CDH12: variants seen among roughly 807,000 people sequenced by gnomAD.
CDH12 encodes cadherin-12.
CDH12 carries 41 observed loss-of-function variants against 74.1 expected under a neutral mutation model. The ratio of observed to expected loss-of-function variants is 0.55; its 90% CI spans 0.43 to 0.72. The LOEUF is 0.72. Ranked by LOEUF, CDH12 falls within the 30% of genes least tolerant of loss-of-function variation. The pLI, the probability that CDH12 is intolerant of heterozygous loss-of-function variation, is 0.00. For synonymous variants in CDH12, 399 were observed against 355.0 expected, an observed-to-expected ratio of 1.12 and a Z score of -1.39; for missense variants, 945 against 977.2, an observed-to-expected ratio of 0.97 and a Z score of 0.44.
chr5:22,402,002 T>G (rs1044427550), intron 3 of CDH12, among the ~76,000 whole-genome samples: 6 of 152,226 alleles, frequency 3.9e-5, no homozygotes, highest in Non-Finnish European at 8.8e-5. Flanking sequence ...ACACTTCATT[T>G]TGGCCTTCTG....
intron 3 of CDH12, among the ~76,000 whole-genome samples, chr5:22,236,427 T>G (rs1396508740): frequency 6.6e-6 from 1 of 152,168 alleles, no homozygotes; most frequent in South Asian, 2.1e-4. Context: ...CTTTTGAAAC[T>G]TTTTATTAAG....
intron 4 of CDH12, among the ~76,000 whole-genome samples, chr5:22,107,941 A>T (rs1334580194): frequency 1.3e-5 from 2 of 152,238 alleles, no homozygotes; most frequent in Non-Finnish European, 2.9e-5. Flanking sequence ...TAATGAACTA[A>T]ATTTACATGC....
At chr5:21,920,828 G>C (rs1351733098) in intron 6 of CDH12, among the ~76,000 whole-genome samples, 4 of 151,968 alleles carry the variant, frequency 2.6e-5, no homozygotes, top group Non-Finnish European at 5.9e-5. Context: ...TCATTTTTCT[G>C]AACCTTCAAC....
chr5:22,263,321 C>T (rs10041578), intron 3 of CDH12, among the ~76,000 whole-genome samples: 143 of 151,376 alleles, frequency 9.4e-4, no homozygotes, highest in African/African-American at 3.2e-3. Flanking sequence ...ATTTTGTTAA[C>T]GCAATAACAG....
intron 13 of CDH12, among the ~76,000 whole-genome samples, chr5:21,757,542 T>A (rs1046084013): frequency 1.3e-5 from 2 of 152,162 alleles, no homozygotes; most frequent in African/African-American, 4.8e-5. Flanking sequence ...TATATTTTAT[T>A]TCCTCTCTAA....
At chr5:22,435,346 C>T (rs1296846797) in intron 2 of CDH12, among the ~76,000 whole-genome samples, 2 of 151,488 alleles carry the variant, frequency 1.3e-5, no homozygotes, top group African/African-American at 2.4e-5. Flanking sequence ...GATGGCTTAT[C>T]GTGAGACCTT....
chr5:22,362,181 T>C (rs1467960353), intron 3 of CDH12, among the ~76,000 whole-genome samples: 1 of 152,084 alleles, frequency 6.6e-6, no homozygotes, highest in East Asian at 1.9e-4. Context: ...AATCTACTCA[T>C]CTGACAAAGG....
chr5:22,536,798 T>C (rs1471090880), intron 1 of CDH12, among the ~76,000 whole-genome samples: 2 of 152,334 alleles, frequency 1.3e-5, no homozygotes, highest in South Asian at 2.1e-4. Context: ...AGGTTAATTG[T>C]ATGAACTTTA....
chr5:22,540,133 G>A (rs1738034926), intron 1 of CDH12, among the ~76,000 whole-genome samples: 1 of 151,960 alleles, frequency 6.6e-6, no homozygotes, highest in South Asian at 2.1e-4. Flanking sequence ...TTTTAGCACA[G>A]AGCAATTTTA....
At chr5:21,783,013 C>G (rs537312068) in intron 11 of CDH12, among the ~76,000 whole-genome samples, 1 of 151,940 alleles carries the variant, frequency 6.6e-6, no homozygotes, top group African/African-American at 2.4e-5. Context: ...AATTATTTCC[C>G]CTCACCTGGC....
chr5:22,153,366 G>A (rs545265484), intron 4 of CDH12, among the ~76,000 whole-genome samples: 4 of 151,610 alleles, frequency 2.6e-5, no homozygotes, highest in Admixed American at 2.6e-4. Flanking sequence ...CCCGTGTGAT[G>A]TTCCTACTCC....
chr5:22,673,715 A>G (rs992766), intron 1 of CDH12, among the ~76,000 whole-genome samples: 17,867 of 152,126 alleles, frequency 0.12, 1,373 homozygotes, highest in Admixed American at 0.2. Flanking sequence ...CTCAGTCTTC[A>G]GAGTTCTTGC....
intron 4 of CDH12, among the ~76,000 whole-genome samples, chr5:22,191,581 T>TTTG (rs1750290541): frequency 1.0e-5 from 1 of 96,784 alleles, no homozygotes; most frequent in African/African-American, 3.4e-5. Flanking sequence ...TTTTTTTTTT[T>TTTG]TGAGACGGAG....
intron 2 of CDH12, among the ~76,000 whole-genome samples, chr5:22,433,429 G>A (rs180897526): frequency 4.6e-5 from 7 of 151,998 alleles, no homozygotes; most frequent in East Asian, 1.9e-4. Flanking sequence ...CTGACACAAC[G>A]GTTGTACTGG....
intron 3 of CDH12, among the ~76,000 whole-genome samples, chr5:22,280,805 CT>C (rs1736844895): frequency 6.6e-6 from 1 of 152,190 alleles, no homozygotes; most frequent in Non-Finnish European, 1.5e-5. Context: ...CAAGGAGGAG[CT>C]GGTACCATTC....
intron 6 of CDH12, among the ~76,000 whole-genome samples, chr5:21,926,447 C>T (rs7378618): frequency 0.75 from 114,304 of 152,126 alleles, 45,352 homozygotes; most frequent in East Asian, 0.93. Context: ...TTTGTCTTTC[C>T]TCTATATATC....
chr5:22,565,366 G>C (rs1030907555), intron 1 of CDH12, among the ~76,000 whole-genome samples: 2 of 152,130 alleles, frequency 1.3e-5, no homozygotes, highest in African/African-American at 4.8e-5. Flanking sequence ...TCCACCAACA[G>C]GGTAATAAGG....
rs185393097 is a variant in CDH12, at chr5:21,791,997, T to C, written c.1257-8503A>G. 3.9e-5 allele frequency among the ~76,000 whole-genome samples: 6 copies of C among 152,024 alleles called. No individual in the cohort carries two copies. The East Asian group carries it at 5.8e-4, about 15-fold the overall frequency. ...GTACTACACCTCATTGTTTAAACAA[T>C]AAAAATCTGCTAATAATGACACAGG... On this transcript the variant is annotated intron_variant, in intron 10 of 14. Transcript: ENST00000382254.
At chr5:22,649,037 C>T (rs1315239229) in intron 1 of CDH12, among the ~76,000 whole-genome samples, 3 of 151,730 alleles carry the variant, frequency 2.0e-5, no homozygotes, top group Non-Finnish European at 4.4e-5. Context: ...TACTGAATTA[C>T]AAAGTATGTG....
Sources: gnomAD v4.1 joint callset for allele counts (sites outside exome capture counted in the v4.1 genomes callset) on GRCh38, gnomAD v4.1.1 for gene constraint, MANE v1.5 for transcripts, NCBI Gene and HGNC (gene_info 2026-07-23, HGNC 2026-07-21) for gene names.